PAH: variants seen among roughly 807,000 people sequenced by gnomAD.
PAH encodes the protein phenylalanine-4-hydroxylase.
PAH carries 64 observed loss-of-function variants against 62.0 expected under a neutral mutation model. The observed-to-expected ratio is 1.03, with a 90% CI of 0.84 to 1.27. The LOEUF (loss-of-function observed/expected upper bound fraction) is 1.27. Ranked by LOEUF, PAH falls within the 50% of genes most tolerant of loss-of-function variation. The pLI is 0.00. For missense variants in PAH, 579 were observed against 542.8 expected (o/e 1.07, Z -0.66); for synonymous variants, 195 against 196.2 (o/e 0.99, Z 0.05).
intron 1 of PAH, among the ~76,000 whole-genome samples, chr12:102,931,892 T>C (rs1878890468): frequency 6.6e-6 from 1 of 152,168 alleles, no homozygotes; most frequent in Non-Finnish European, 1.5e-5. Context: ...GCTCCTATCA[T>C]GTGGCAGCCC....
chr12:102,869,598 C>T (rs544932439), intron 4 of PAH, among the ~76,000 whole-genome samples: 2 of 152,252 alleles, frequency 1.3e-5, no homozygotes, highest in Admixed American at 1.3e-4. Flanking sequence ...ACAGATAATG[C>T]ACTATACAGA....
At chr12:102,903,968 A>G (rs34191345) in intron 2 of PAH, among the ~76,000 whole-genome samples, 70,174 of 152,032 alleles carry the variant, frequency 0.46, 19,315 homozygotes, top group African/African-American at 0.77. Context: ...CCTAAAAGGC[A>G]TGGACATGAG....
chr12:102,917,254 T>A, upstream of PAH: 1 of 829,142 alleles, frequency 1.2e-6, no homozygotes, highest in East Asian at 2.6e-5. Flanking sequence ...TTACAAAGGG[T>A]GTCTCTTGCG....
At chr12:102,940,731 G>A (rs1565882344) in intron 1 of PAH, among the ~76,000 whole-genome samples, 1 of 152,202 alleles carries the variant, frequency 6.6e-6, no homozygotes, top group Non-Finnish European at 1.5e-5. Flanking sequence ...GAGAGAGCAA[G>A]CAACTTGGGA....
chr12:102,873,055 A>T (rs1319841300), intron 4 of PAH, among the ~76,000 whole-genome samples: 2 of 152,190 alleles, frequency 1.3e-5, no homozygotes, highest in Non-Finnish European at 2.9e-5. Flanking sequence ...TTTCTTCACT[A>T]AGAAGCCCCC....
chr12:102,875,231 A>G (rs1443789247), intron 4 of PAH, among the ~76,000 whole-genome samples: 1 of 152,176 alleles, frequency 6.6e-6, no homozygotes, highest in Admixed American at 6.5e-5. Context: ...GGAGTCAAAG[A>G]TGTGGCTTTT....
intron 3 of PAH, among the ~76,000 whole-genome samples, chr12:102,888,104 T>C (rs1290747022): frequency 1.3e-5 from 2 of 152,076 alleles, no homozygotes; most frequent in Non-Finnish European, 2.9e-5. Context: ...TTGTGTACCC[T>C]TATGAGAGAC....
In PAH at chr12:102,887,389, A is replaced by G. The variant is rs1877086012; in HGVS notation, c.352+7346T>C. On this transcript the variant is annotated intron_variant, in intron 3 of 12. Transcript: ENST00000553106. ...TGGAAATGAGAGATCATTCACAGGGACCCTCATACAATCCCACACATGAAG... is the reference window on the plus strand; with the variant it reads ...TGGAAATGAGAGATCATTCACAGGGGCCCTCATACAATCCCACACATGAAG... Among the ~76,000 whole-genome samples, 2 of 152,008 alleles carry G rather than the reference A, an allele frequency of 1.3e-5. 1 individual carries two copies. The highest frequency in any genetic ancestry group is 4.2e-4 in the South Asian group (2 of 4,806).
At chr12:102,938,228 G>A (rs1879171032) in intron 1 of PAH, among the ~76,000 whole-genome samples, 1 of 152,164 alleles carries the variant, frequency 6.6e-6, no homozygotes, top group Non-Finnish European at 1.5e-5. Context: ...GGGTGCGTGA[G>A]CAAGAGGCCC....
Position 102,917,140 on chromosome 12 carries a change from C to T in PAH, c.-10G>A, listed in dbSNP as rs777884173. 2.5e-6 allele frequency: 4 copies of T among 1,614,104 alleles called. No individual in the cohort carries two copies. Among genetic ancestry groups the T allele is most frequent in the Non-Finnish European group, 3.4e-6 (4 of 1,179,980 alleles). On this transcript the variant is annotated 5_prime_UTR_variant, in exon 1 of 13. Transcript: ENST00000553106. The stretch of plus-strand genomic sequence containing the variant: ...GGACCGCAGTGGACATGCTGGCTCC[C>T]CGGGAGTGAGGTCTCTGGCTTTTTA...
chr12:102,861,843 G>A (rs10860932), intron 5 of PAH, among the ~76,000 whole-genome samples: 31,991 of 151,874 alleles, frequency 0.21, 4,833 homozygotes, highest in East Asian at 0.75. Flanking sequence ...GTTGGGGGAA[G>A]GGGGAGGGAT....
chr12:102,877,174 T>C (rs890159303), intron 4 of PAH: 1 of 455,978 alleles, frequency 2.2e-6, no homozygotes, highest in African/African-American at 2.0e-5. Context: ...GCAGAAACAA[T>C]GATGATTTGC....
At chr12:102,926,618 C>T (rs146271923) in intron 1 of PAH, among the ~76,000 whole-genome samples, 67 of 151,610 alleles carry the variant, frequency 4.4e-4, no homozygotes, top group African/African-American at 1.5e-3. Flanking sequence ...CATAGACATT[C>T]CAGAGACTAT....
intron 8 of PAH, among the ~76,000 whole-genome samples, chr12:102,849,083 G>A (rs1875029867): frequency 1.3e-5 from 2 of 152,198 alleles, no homozygotes; most frequent in African/African-American, 4.8e-5. Flanking sequence ...ACTAGGATGA[G>A]AAATGATAGT....
intron 3 of PAH, among the ~76,000 whole-genome samples, chr12:102,889,884 T>C (rs1877206098): frequency 6.6e-6 from 1 of 152,172 alleles, no homozygotes; most frequent in African/African-American, 2.4e-5. Context: ...GATTAGTAGA[T>C]TGATCGATGA....
chr12:102,914,636 T>C (rs1345124450), intron 1 of PAH: 1 of 152,254 alleles, frequency 6.6e-6, no homozygotes, highest in Non-Finnish European at 1.5e-5. Flanking sequence ...CTGAGCCTTC[T>C]TCTTTCCAGT....
upstream of PAH, among the ~76,000 whole-genome samples, chr12:102,954,546 C>T (rs141001915): frequency 6.6e-6 from 1 of 152,164 alleles, no homozygotes; most frequent in Non-Finnish European, 1.5e-5. Flanking sequence ...GAAATAGAGA[C>T]CCCTAGAGTG....
intron 3 of PAH, among the ~76,000 whole-genome samples, chr12:102,879,046 TC>T (rs1242233239): frequency 6.6e-6 from 1 of 152,012 alleles, no homozygotes; most frequent in Non-Finnish European, 1.5e-5. Flanking sequence ...ATGCTGAACT[TC>T]CAATCAGCAT....
At chr12:102,880,766 A>C (rs1876780852) in intron 3 of PAH, among the ~76,000 whole-genome samples, 1 of 152,204 alleles carries the variant, frequency 6.6e-6, no homozygotes, top group South Asian at 2.1e-4. Flanking sequence ...TAAGCAATAA[A>C]TAAATGTAAA....
Sources: gnomAD v4.1 joint callset for allele counts (sites outside exome capture counted in the v4.1 genomes callset) on GRCh38, gnomAD v4.1.1 for gene constraint, MANE v1.5 for transcripts, NCBI Gene and HGNC (gene_info 2026-07-23, HGNC 2026-07-21) for gene names.